The following ACBD6 variants were observed in gnomAD, a reference collection of about 807,000 sequenced individuals.
The protein encoded by ACBD6 is acyl-CoA-binding domain-containing protein 6.
In ACBD6, 28 loss-of-function variants were observed where a neutral mutation model predicts 37.2. The ratio of observed to expected loss-of-function variants is 0.75; its 90% CI spans 0.56 to 1.03. The LOEUF (loss-of-function observed/expected upper bound fraction) is 1.03. Among genes scored for constraint, ACBD6 ranks in the 50% least tolerant of loss-of-function variants. The pLI, the probability that ACBD6 is intolerant of heterozygous loss-of-function variation, is 0.00. For missense variants in ACBD6, 340 were observed against 337.4 expected (o/e 1.01, Z -0.06); for synonymous variants, 113 against 126.8 (o/e 0.89, Z 0.73).
At chr1:180,353,802 A>AAAG (rs1652513558) in intron 6 of ACBD6, among the ~76,000 whole-genome samples, 1 of 149,666 alleles carries the variant, frequency 6.7e-6, no homozygotes, top group Admixed American at 6.6e-5. Flanking sequence ...AAAAAAAAAA[A>AAAG]AAAGCCCAGC....
At chr1:180,490,591 C>A (rs562016920) in intron 3 of ACBD6, among the ~76,000 whole-genome samples, 1 of 151,404 alleles carries the variant, frequency 6.6e-6, no homozygotes, top group Admixed American at 6.6e-5. Flanking sequence ...TTGGCTAACA[C>A]GGTGAAACCC....
intron 6 of ACBD6, among the ~76,000 whole-genome samples, chr1:180,377,759 C>A (rs1262688157): frequency 6.6e-6 from 1 of 151,810 alleles, no homozygotes; most frequent in Non-Finnish European, 1.5e-5. Flanking sequence ...ACCAGCCTGA[C>A]CAACATGGAG....
chr1:180,389,051 C>T lies in ACBD6; in HGVS notation c.663+8465G>A, dbSNP rs144944186. On this transcript the variant is annotated intron_variant, in intron 6 of 7. Coordinates refer to ENST00000367595, the MANE Select transcript of ACBD6 (RefSeq NM_032360.4). ...TAAGTTTTAGGGTACATGTGCACAA[C>T]GTGCAGGTTAGTTTCATATGTATAC... is the stretch of plus-strand genomic sequence containing the variant. 3.8e-3 allele frequency among the ~76,000 whole-genome samples: 576 copies of T among 152,154 alleles called. 2 individuals carry two copies. The highest frequency in any genetic ancestry group is 6.1e-3 in the Non-Finnish European group (412 of 68,000).
chr1:180,380,576 A>G (rs1410841698), intron 6 of ACBD6, among the ~76,000 whole-genome samples: 9 of 151,938 alleles, frequency 5.9e-5, no homozygotes, highest in Non-Finnish European at 1.0e-4. Flanking sequence ...CTTAAGGGAT[A>G]CTCAGTATAA....
At chr1:180,314,631 G>T in intron 7 of ACBD6, 61 bp downstream of exon 7, 1 of 1,362,080 alleles carries the variant, frequency 7.3e-7, no homozygotes, top group Non-Finnish European at 1.0e-6. Flanking sequence ...GGACAAAGTT[G>T]AAATAAACAA....
intron 3 of ACBD6, among the ~76,000 whole-genome samples, chr1:180,431,023 G>A (rs1047837192): frequency 5.3e-5 from 8 of 152,016 alleles, no homozygotes; most frequent in Non-Finnish European, 7.4e-5. Flanking sequence ...CTCTGATTCC[G>A]GACATAAATA....
At chr1:180,499,226 T>C (rs1273633296) in intron 1 of ACBD6, among the ~76,000 whole-genome samples, 3 of 152,230 alleles carry the variant, frequency 2.0e-5, no homozygotes, top group Non-Finnish European at 4.4e-5. Context: ...TGATCCAATA[T>C]GCAGAAATGA....
intron 6 of ACBD6, among the ~76,000 whole-genome samples, chr1:180,343,973 C>A (rs1274619991): frequency 6.6e-6 from 1 of 151,716 alleles, no homozygotes; most frequent in Non-Finnish European, 1.5e-5. Context: ...TTTTCAAGTA[C>A]CTGGAATAGG....
chr1:180,441,700 C>T (rs1218713256), intron 3 of ACBD6, among the ~76,000 whole-genome samples: 1 of 152,134 alleles, frequency 6.6e-6, no homozygotes, highest in Non-Finnish European at 1.5e-5. Flanking sequence ...CTAAAGAACA[C>T]AATGATTTCT....
At chr1:180,290,408 C>T (rs560160111) in intron 7 of ACBD6, among the ~76,000 whole-genome samples, 29 of 152,308 alleles carry the variant, frequency 1.9e-4, no homozygotes, top group Non-Finnish European at 4.0e-4. Flanking sequence ...AACTACTAGG[C>T]TCAGGCAATC....
chr1:180,396,192 G>A (rs951341224), intron 6 of ACBD6, among the ~76,000 whole-genome samples: 12 of 152,072 alleles, frequency 7.9e-5, no homozygotes, highest in African/African-American at 2.9e-4. Flanking sequence ...TTCAGTTGGG[G>A]GAGATGAAAA....
At chr1:180,358,415 A>G (rs906252281) in intron 6 of ACBD6, among the ~76,000 whole-genome samples, 2 of 148,012 alleles carry the variant, frequency 1.4e-5, no homozygotes, top group South Asian at 4.4e-4. Flanking sequence ...CAACAGAGCA[A>G]GACTCCGTCT....
intron 6 of ACBD6, among the ~76,000 whole-genome samples, chr1:180,331,979 C>T (rs1651503687): frequency 6.6e-6 from 1 of 152,038 alleles, no homozygotes; most frequent in African/African-American, 2.4e-5. Flanking sequence ...TTGTTACTAC[C>T]TGTTATGAGT....
At chr1:180,310,099 A>T (rs1280784219) in intron 7 of ACBD6, among the ~76,000 whole-genome samples, 4 of 151,908 alleles carry the variant, frequency 2.6e-5, no homozygotes, top group African/African-American at 4.8e-5. Flanking sequence ...CTCATTTATA[A>T]AAAAAAATAA....
intron 3 of ACBD6, among the ~76,000 whole-genome samples, chr1:180,430,581 G>A (rs531541697): frequency 6.6e-6 from 1 of 150,816 alleles, no homozygotes; most frequent in Admixed American, 6.6e-5. Flanking sequence ...GTGAGAAAAA[G>A]AAAAATAAAT....
chr1:180,417,460 G>A (rs536830660), intron 4 of ACBD6, among the ~76,000 whole-genome samples: 167 of 152,170 alleles, frequency 1.1e-3, no homozygotes, highest in Non-Finnish European at 2.0e-3. Context: ...TAGGACCATG[G>A]CTAAGGCAAT....
intron 9 of ACBD6, chr1:180,281,292 T>C (rs1004056773): frequency 3.3e-5 from 5 of 152,208 alleles, no homozygotes; most frequent in Admixed American, 2.6e-4. Context: ...CAGAAAGAAG[T>C]AAGCAAGACT....
intron 3 of ACBD6, among the ~76,000 whole-genome samples, chr1:180,461,359 C>CT (rs1224106762): frequency 6.6e-6 from 1 of 152,146 alleles, no homozygotes; most frequent in Non-Finnish European, 1.5e-5. Context: ...CTTTCCCAAC[C>CT]TTACTAGACA....
intron 4 of ACBD6, among the ~76,000 whole-genome samples, chr1:180,422,662 T>G (rs1311231173): frequency 6.6e-6 from 1 of 152,214 alleles, no homozygotes; most frequent in Non-Finnish European, 1.5e-5. Flanking sequence ...TTGGGAGTAC[T>G]TCCAGCATCA....
Sources: allele counts gnomAD v4.1 joint callset (sites outside exome capture counted in the v4.1 genomes callset), GRCh38; gene constraint gnomAD v4.1.1; transcripts MANE v1.5; gene names NCBI Gene and HGNC (gene_info 2026-07-23, HGNC 2026-07-21).